LRP1B: variants seen among roughly 807,000 people sequenced by gnomAD.
LRP1B encodes low-density lipoprotein receptor-related protein 1B.
A neutral mutation model predicts 556.6 loss-of-function variants in LRP1B; 217 were observed. The ratio of observed to expected loss-of-function variants is 0.39; its 90% CI spans 0.35 to 0.44. The LOEUF (loss-of-function observed/expected upper bound fraction) is 0.44, where lower values mean the gene tolerates loss of function less well. Ranked by LOEUF, LRP1B falls within the 20% of genes least tolerant of loss-of-function variation. LRP1B has a pLI of 1.00. For synonymous variants in LRP1B, 2,047 were observed against 1,865.8 expected, an observed-to-expected ratio of 1.10 and a Z score of -2.50; for missense variants, 5,053 against 5,620.8, an observed-to-expected ratio of 0.90 and a Z score of 3.23.
intron 6 of LRP1B, among the ~76,000 whole-genome samples, chr2:141,192,043 C>A (rs1156391073): frequency 6.6e-6 from 1 of 151,918 alleles, no homozygotes; most frequent in Non-Finnish European, 1.5e-5. Flanking sequence ...AGTCATGCAA[C>A]TTTGAAGCAT....
chr2:141,507,524 C>T (rs562182907), intron 2 of LRP1B, among the ~76,000 whole-genome samples: 3 of 151,970 alleles, frequency 2.0e-5, no homozygotes, highest in Non-Finnish European at 4.4e-5. Flanking sequence ...TAGATTTTTG[C>T]TTTTCTATGC....
intron 16 of LRP1B, among the ~76,000 whole-genome samples, chr2:140,991,630 C>G (rs1426988775): frequency 6.6e-6 from 1 of 152,016 alleles, no homozygotes; most frequent in Non-Finnish European, 1.5e-5. Context: ...ATTAGATGTA[C>G]CAAATAAGTA....
chr2:140,247,030 T>C, intron 87 of LRP1B, 56 bp downstream of exon 87: 1 of 1,247,404 alleles, frequency 8.0e-7, no homozygotes, highest in Non-Finnish European at 1.2e-6. Context: ...AATAATGACA[T>C]AACAATGATT....
Position 141,225,085 on chromosome 2 carries a change from A to T in LRP1B, c.850+4098T>A, listed in dbSNP as rs1376888024. Among the ~76,000 whole-genome samples the T allele has an allele frequency of 2.0e-5, 3 of 152,172 alleles. No homozygotes were observed. The East Asian group carries it at 5.8e-4, about 29-fold the overall frequency. ...TCAAATAGAACGTAATTTAAAGTTG[A>T]CATTAAAACAAGCTAAGGAAAAAGA... On this transcript the variant is annotated intron_variant, in intron 6 of 90. Transcript: ENST00000389484.
intron 23 of LRP1B, among the ~76,000 whole-genome samples, chr2:140,891,395 C>T (rs1693794302): frequency 6.6e-6 from 1 of 152,128 alleles, no homozygotes; most frequent in East Asian, 1.9e-4. Context: ...AACCATACAA[C>T]TAGCAATTCT....
intron 2 of LRP1B, among the ~76,000 whole-genome samples, chr2:141,551,695 T>G (rs1685755398): frequency 6.6e-6 from 1 of 152,018 alleles, no homozygotes; most frequent in Non-Finnish European, 1.5e-5. Context: ...TTAAAGCAAC[T>G]CTTGCACCCC....
intron 55 of LRP1B, among the ~76,000 whole-genome samples, chr2:140,501,189 G>T (rs1574009980): frequency 6.6e-6 from 1 of 151,824 alleles, no homozygotes; most frequent in Admixed American, 6.6e-5. Context: ...GTTTATTTTA[G>T]TGTATTCACA....
intron 9 of LRP1B, 28 bp from the exon 10 acceptor site, chr2:141,055,287 G>A (rs1315451090): frequency 3.1e-6 from 5 of 1,593,316 alleles, no homozygotes; most frequent in Non-Finnish European, 4.3e-6. Flanking sequence ...CAGCATGCGT[G>A]AAATTCAAGT....
intron 1 of LRP1B, among the ~76,000 whole-genome samples, chr2:141,845,885 TATC>T (rs1313016185): frequency 3.3e-5 from 5 of 151,526 alleles, no homozygotes; most frequent in Non-Finnish European, 7.4e-5. Context: ...GGATATAAAA[TATC>T]ATGACAAATA....
At chr2:140,454,601 A>C (rs1199273468) in intron 62 of LRP1B, among the ~76,000 whole-genome samples, 5 of 152,138 alleles carry the variant, frequency 3.3e-5, no homozygotes, top group African/African-American at 1.2e-4. Context: ...GTGATAGACT[A>C]TTGGGGGTAT....
chr2:140,566,663 C>T (rs560633388), intron 43 of LRP1B, among the ~76,000 whole-genome samples: 9 of 152,256 alleles, frequency 5.9e-5, no homozygotes, highest in African/African-American at 1.9e-4. Context: ...TTTGGCTGCA[C>T]TTTGCCCACT....
chr2:140,602,230 G>T lies in LRP1B; in HGVS notation c.6800-591C>A, dbSNP rs74472545. On this transcript the variant is annotated intron_variant, in intron 41 of 90. Coordinates refer to ENST00000389484, the MANE Select transcript of LRP1B (RefSeq NM_018557.3). Reference sequence around the variant, plus strand: ...AAAAAAAAACAAAGCAAGAGAAAAAGAAATTAATTGCCAGCTAAAGCATGC... The same window carrying T: ...AAAAAAAAACAAAGCAAGAGAAAAATAAATTAATTGCCAGCTAAAGCATGC... Among the ~76,000 whole-genome samples, 1,074 of 151,484 alleles carry T rather than the reference G, an allele frequency of 7.1e-3. 61 individuals are homozygous for T. In the East Asian group the frequency reaches 0.15, roughly 21 times the overall value.
intron 62 of LRP1B, among the ~76,000 whole-genome samples, chr2:140,452,961 G>GTTTT (rs5834746): frequency 1.1e-4 from 14 of 126,646 alleles, no homozygotes; most frequent in African/African-American, 2.6e-4. Flanking sequence ...GTGTGTGTGT[G>GTTTT]TTTTTTTTTT....
chr2:141,196,294 T>C lies in LRP1B; in HGVS notation c.851-7711A>G, dbSNP rs1681748142. Reference sequence around the variant, plus strand: ...TTGGCTACGTCAAGTGCATTTACTTTCGTAATTCTCTATAAGACGTTTCTA... The same window carrying C: ...TTGGCTACGTCAAGTGCATTTACTTCCGTAATTCTCTATAAGACGTTTCTA... On this transcript the variant is annotated intron_variant, in intron 6 of 90. Coordinates refer to ENST00000389484, the MANE Select transcript of LRP1B (RefSeq NM_018557.3). 3.3e-5 allele frequency among the ~76,000 whole-genome samples: 5 copies of C among 152,122 alleles called. No individual in the cohort carries two copies. In the South Asian group the frequency reaches 1.0e-3, roughly 31 times the overall value.
chr2:141,149,632 T>C (rs182867289), intron 7 of LRP1B, among the ~76,000 whole-genome samples: 116 of 152,222 alleles, frequency 7.6e-4, no homozygotes, highest in African/African-American at 1.7e-3. Flanking sequence ...ACTCTTGATG[T>C]TCCCCAAACT....
chr2:141,117,796 A>G (rs1281482834), intron 7 of LRP1B, among the ~76,000 whole-genome samples: 1 of 151,980 alleles, frequency 6.6e-6, no homozygotes, highest in East Asian at 1.9e-4. Flanking sequence ...TATCGAGGCA[A>G]TGGGTCATTC....
At chr2:140,965,879 T>C (rs1244042316) in intron 18 of LRP1B, among the ~76,000 whole-genome samples, 1 of 91,868 alleles carries the variant, frequency 1.1e-5, no homozygotes, top group Non-Finnish European at 2.4e-5. Flanking sequence ...ACAAAGGACA[T>C]GAACTCATCC....
At chr2:141,544,381 T>TCTTCTTCTTCTTCTTCTC (rs1685463294) in intron 2 of LRP1B, among the ~76,000 whole-genome samples, 11 of 79,778 alleles carry the variant, frequency 1.4e-4, no homozygotes, top group South Asian at 5.6e-4. Flanking sequence ...TTCTTCTTCT[T>TCTTCTTCTTCTTCTTCTC]CTCCTCCTCC....
chr2:141,656,356 T>A (rs1690008334), intron 2 of LRP1B, among the ~76,000 whole-genome samples: 1 of 152,124 alleles, frequency 6.6e-6, no homozygotes, highest in Non-Finnish European at 1.5e-5. Context: ...TTATAAGACA[T>A]TAAAGATAAA....
Sources: gnomAD v4.1 joint callset for allele counts (sites outside exome capture counted in the v4.1 genomes callset) on GRCh38, gnomAD v4.1.1 for gene constraint, MANE v1.5 for transcripts, NCBI Gene and HGNC (gene_info 2026-07-23, HGNC 2026-07-21) for gene names.